Variants in FLII observed in about 807,000 individuals in gnomAD.
FLII encodes the protein FLII actin remodeling protein, also known as protein flightless-1 homolog.
In FLII, 101 loss-of-function variants were observed where a neutral mutation model predicts 156.2. The ratio of observed to expected loss-of-function variants is 0.65; its 90% CI spans 0.55 to 0.76. FLII has a LOEUF of 0.76. Ranked by LOEUF, FLII falls within the 30% of genes least tolerant of loss-of-function variation. The pLI, the probability that FLII is intolerant of heterozygous loss-of-function variation, is 0.00. For missense variants in FLII, 1,675 were observed against 1,682.8 expected (o/e 1.00, Z 0.08); for synonymous variants, 767 against 685.8 (o/e 1.12, Z -1.85).
In FLII at chr17:18,247,744, G is replaced by A; in HGVS notation, c.2400C>T (p.Ala800=). 6.2e-7 allele frequency: 1 copy of A among 1,606,032 alleles called. No homozygotes were observed. ...RKSPRLVRAA[A]LKLGQELCGM... ...CGCACAGCTCCTGACCCAGCTTGAG[G>A]GCGGCAGCGCGCACCAGGCGCGGGG... Residue 800 remains alanine, a synonymous_variant, in exon 20 of 30, where the codon GCC becomes GCT. Coordinates refer to ENST00000327031, the MANE Select transcript of FLII (RefSeq NM_002018.4).
At chr17:18,257,515 C>T (rs2048458808) in intron 1 of FLII, among the ~76,000 whole-genome samples, 1 of 152,258 alleles carries the variant, frequency 6.6e-6, no homozygotes. Context: ...GCCAGCATCA[C>T]TGCACTCCCC....
chr17:18,248,706 T>C lies in FLII; in HGVS notation c.2034A>G (p.Lys678=). The change falls in exon 18 of 30, where the codon AAA becomes AAG. Residue 678 remains lysine (K), a synonymous_variant. Transcript: ENST00000327031. ...STTKARLFAE[K]INKNERKGKA... is the part of the protein sequence containing the mutation. ...TCCCTTTCCGCTCATTCTTGTTAAT[T>C]TTCTCTGCAAAGAGCCTGAGAGCAG... 6.2e-7 allele frequency: 1 copy of C among 1,613,650 alleles called. No individual in the cohort carries two copies.
Position 18,245,657 on chromosome 17 carries a change from G to A in FLII, c.3507C>T (p.Cys1169=). 6.2e-7 allele frequency: 1 copy of A among 1,613,682 alleles called. No homozygotes were observed. Among genetic ancestry groups the A allele is most frequent in the Non-Finnish European group, 8.5e-7 (1 of 1,179,918 alleles). The change falls in exon 28 of 30, where the codon TGC becomes TGT. Residue 1169 remains cysteine, a synonymous_variant. Coordinates refer to ENST00000327031, the MANE Select transcript of FLII (RefSeq NM_002018.4). ...EYMKHTRLFR[C]SNEKGYFAVT... Reference sequence around the variant, plus strand: ...CTGCAAAGTAGCCCTTCTCGTTGGAGCACCTGGGAATCAAGGGTCAAGGTG... The same window carrying A: ...CTGCAAAGTAGCCCTTCTCGTTGGAACACCTGGGAATCAAGGGTCAAGGTG...
chr17:18,248,642 G>C lies in FLII; in HGVS notation c.2098C>G (p.Pro700Ala). 1 of 1,613,928 alleles carries C rather than the reference G, an allele frequency of 6.2e-7. No homozygotes were observed. The highest frequency in any genetic ancestry group is 8.5e-7 in the Non-Finnish European group (1 of 1,179,954). The stretch of plus-strand genomic sequence containing the variant: ...CCACCCAGTGCCTCCCAGAACTCTG[G>C]GAGCTCCTGGCCCTGCACCAGCAGT... Reference protein sequence around the residue: ...ITLLVQGQELPEFWEALGGEP... With the variant: ...ITLLVQGQELAEFWEALGGEP... Residue 700 changes from proline (P) to alanine (A), a missense_variant, in exon 18 of 30, where the codon CCA (proline) becomes GCA (alanine). Physicochemically the swap from Pro to Ala is conservative, Grantham distance 27 (BLOSUM62 -1). Around this residue, in one of 2 missense-constraint regions of FLII, gnomAD observed 1,332 missense variants for 1,269.3 expected, o/e 1.05. Coordinates refer to ENST00000327031, the MANE Select transcript of FLII (RefSeq NM_002018.4).
intron 9 of FLII, 124 bp downstream of exon 9, chr17:18,253,177 G>C: frequency 1.0e-6 from 1 of 972,522 alleles, no homozygotes; most frequent in East Asian, 2.6e-5. Flanking sequence ...GAAAAGAAAA[G>C]AAAAGGTGAA....
At chr17:18,247,131 C>CG in intron 21 of FLII, 38 bp downstream of exon 21, 2 of 167,544 alleles carry the variant, frequency 1.2e-5, no homozygotes, top group Non-Finnish European at 2.0e-5. Flanking sequence ...CTGCCCCCCA[C>CG]CCCCCCCCCC....
chr17:18,258,645 T>A lies in FLII; in HGVS notation c.46A>T (p.Ser16Cys). ...VLPFVRGVDL[S>C]GNDFKGGYFP... ...CGGCTCACCTTGAAGTCGTTGCCGC[T>A]GAGGTCCACGCCACGCACGAACGGC... Residue 16 changes from serine to cysteine, a missense_variant, in exon 1 of 30, where the codon AGC (serine) becomes TGC (cysteine). By Grantham distance (112) the Ser-to-Cys change is moderately radical (BLOSUM62 -1). Coordinates refer to ENST00000327031, the MANE Select transcript of FLII (RefSeq NM_002018.4). The surrounding 1 kb of genome is among the most constrained non-coding windows in gnomAD (Gnocchi z 4.2). The A allele has an allele frequency of 6.4e-7, 1 of 1,557,690 alleles. No homozygotes were observed. The highest frequency in any genetic ancestry group is 1.2e-5 in the South Asian group (1 of 85,732).
chr17:18,244,948 A>G lies in FLII; in HGVS notation c.*190T>C, dbSNP rs956176354. On this transcript the variant is annotated 3_prime_UTR_variant, in exon 30 of 30. Coordinates refer to ENST00000327031, the MANE Select transcript of FLII (RefSeq NM_002018.4). ...ACACGTGCACTCACACTGTGGAGAGAGTTGGATTTCCCAGACCCCTGAGGG... is the reference window on the plus strand; with the variant it reads ...ACACGTGCACTCACACTGTGGAGAGGGTTGGATTTCCCAGACCCCTGAGGG... 4.6e-6 allele frequency: 3 copies of G among 649,396 alleles called. No individual in the cohort carries two copies. Among genetic ancestry groups the G allele is most frequent in the Non-Finnish European group, 8.1e-6 (3 of 370,244 alleles). 40.2% of individuals were successfully genotyped at this position (649,396 alleles called of 1,614,324 possible). A position where few individuals can be genotyped will look rare whatever the true frequency, so the allele number is the denominator to read the frequency against.
chr17:18,245,105 TC>T lies in FLII; in HGVS notation c.*32del. 1.3e-6 allele frequency: 2 copies of T among 1,589,254 alleles called. No homozygotes were observed. On this transcript the variant is annotated 3_prime_UTR_variant, in exon 30 of 30. Transcript: ENST00000327031. ...GACAGTGGATGAGGCCCCTTCCTCT[TC>T]CTCACCAAGCCTGGGGCTGTGCCAG...
rs1343413607 is a variant in FLII at position 18,247,651 on chromosome 17, G to A, written c.2487+6C>T. 3 of 1,576,014 alleles carry A rather than the reference G, an allele frequency of 1.9e-6. No individual in the cohort carries two copies. The highest frequency in any genetic ancestry group is 2.7e-5 in the African/African-American group (2 of 74,178). On this transcript the variant is annotated splice_donor_region_variant and intron_variant, in intron 20 of 29. Coordinates refer to ENST00000327031, the MANE Select transcript of FLII (RefSeq NM_002018.4). ...TGGGGAGGGGCCTCCGAAGCTGCAA[G>A]CGCACCTGCGCCTCGGTGCCCTCGA...
chr17:18,244,910 G>C lies in FLII; in HGVS notation c.*228C>G, dbSNP rs73980862. The C allele has an allele frequency of 4.6e-3, 2,529 of 552,588 alleles. 53 individuals are homozygous for C. Among genetic ancestry groups the C allele is most frequent in the African/African-American group, 0.042 (2,274 of 53,850 alleles). 34.2% of individuals were successfully genotyped at this position (552,588 alleles called of 1,614,324 possible). On this transcript the variant is annotated 3_prime_UTR_variant, in exon 30 of 30. Coordinates refer to ENST00000327031, the MANE Select transcript of FLII (RefSeq NM_002018.4). ...CATCTGCTTTATCCCTAGCGGAAGA[G>C]TGAGGGGGCTTCACACGTGCACTCA...
At chr17:18,255,677 C>T (rs1458161780) in intron 3 of FLII, among the ~76,000 whole-genome samples, 1 of 152,108 alleles carries the variant, frequency 6.6e-6, no homozygotes, top group Non-Finnish European at 1.5e-5. Flanking sequence ...ACTGACACCT[C>T]CTCATACCTT....
At chr17:18,250,210 T>C (rs149360214) in intron 14 of FLII, among the ~76,000 whole-genome samples, 14 of 152,230 alleles carry the variant, frequency 9.2e-5, no homozygotes, top group African/African-American at 3.4e-4. Flanking sequence ...CCCACGTTTG[T>C]AAAGATGCCA....
chr17:18,253,925 G>T, intron 7 of FLII, 154 bp downstream of exon 7: 4 of 743,976 alleles, frequency 5.4e-6, no homozygotes, highest in Non-Finnish European at 8.6e-6. Flanking sequence ...TCAGTGTTAA[G>T]GCATCATCAT....
At position 18,245,573 on chromosome 17, in the gene FLII, C is replaced by T. The variant is rs763930991; in HGVS notation, c.3591G>A (p.Leu1197=). The change falls in exon 28 of 30, where the codon TTG becomes TTA. Residue 1197 remains leucine, a synonymous_variant. Transcript: ENST00000327031. ...QDDLADDDIM[L]LDNGQEVYMW... ...ATCACACCTCTTGGCCATTGTCTAG[C>T]AACATGATGTCATCATCTGCCAGGT... The T allele has an allele frequency of 1.2e-6, 2 of 1,613,900 alleles. No homozygotes were observed. Among genetic ancestry groups the T allele is most frequent in the Non-Finnish European group, 1.7e-6 (2 of 1,179,986 alleles).
chr17:18,253,370 T>C lies in FLII; in HGVS notation c.944A>G (p.Lys315Arg). 2.5e-6 allele frequency: 4 copies of C among 1,613,942 alleles called. No individual in the cohort carries two copies. Among genetic ancestry groups the C allele is most frequent in the Non-Finnish European group, 3.4e-6 (4 of 1,180,028 alleles). The change falls in exon 9 of 30, where the codon AAG (lysine) becomes AGG (arginine). Residue 315 changes from lysine to arginine, a missense_variant. Lys to Arg is a conservative substitution (Grantham distance 26, BLOSUM62 2). Transcript: ENST00000327031. ...CATGAACTCTTCCAGGTTGGTGAGCTTGCCAATGCCTGAGGGCAGCCCGTC... is the reference window on the plus strand; with the variant it reads ...CATGAACTCTTCCAGGTTGGTGAGCCTGCCAATGCCTGAGGGCAGCCCGTC... ...DFDGLPSGIGKLTNLEEFMAA... is the reference protein window; with the variant it reads ...DFDGLPSGIGRLTNLEEFMAA...
At chr17:18,247,404 G>C (rs375957633) in intron 20 of FLII, 47 bp from the exon 21 acceptor site, 25 of 1,530,100 alleles carry the variant, frequency 1.6e-5, no homozygotes, top group African/African-American at 2.8e-5. Flanking sequence ...GGCATGATTA[G>C]AGTTGGAGGA....
At chr17:18,246,099 A>T in intron 25 of FLII, 37 bp from the exon 26 acceptor site, 2 of 1,613,836 alleles carry the variant, frequency 1.2e-6, no homozygotes, top group Middle Eastern at 3.3e-4. Flanking sequence ...TTCGCAGCTG[A>T]CTCAGCCCCC....
intron 14 of FLII, among the ~76,000 whole-genome samples, chr17:18,250,242 A>C (rs969282893): frequency 6.6e-6 from 1 of 152,204 alleles, no homozygotes; most frequent in Non-Finnish European, 1.5e-5. Flanking sequence ...AGATGCACGC[A>C]TATCAGGGTA....
Sources: gnomAD v4.1 joint callset for allele counts (sites outside exome capture counted in the v4.1 genomes callset) on GRCh38, gnomAD v4.1.1 for gene constraint, gnomAD v4.1.1 regional missense constraint, Gnocchi (gnomAD v3.1) non-coding constraint, MANE v1.5 for transcripts, NCBI Gene and HGNC (gene_info 2026-07-23, HGNC 2026-07-21) for gene names.